The following SIGLEC1 variants were observed in gnomAD, a reference collection of about 807,000 sequenced individuals.
The protein encoded by SIGLEC1 is sialic acid binding Ig like lectin 1, also known as sialoadhesin.
In SIGLEC1, 132 loss-of-function variants were observed where a neutral mutation model predicts 148.0. The ratio of observed to expected loss-of-function variants is 0.89; its 90% CI spans 0.77 to 1.03. The LOEUF is 1.03. Ranked by LOEUF, SIGLEC1 falls within the 50% of genes least tolerant of loss-of-function variation. The pLI is 0.00. For missense variants in SIGLEC1, 2,253 were observed against 2,271.4 expected (o/e 0.99, Z 0.16); for synonymous variants, 945 against 969.0 (o/e 0.98, Z 0.46).
At position 3,699,452 on chromosome 20, in the gene SIGLEC1, A is replaced by G; in HGVS notation, c.1536T>C (p.Arg512=). ...CCTCGGCTGCCGGGCTGATGAGGAGACGGGCGGCTGCGGGGAGAGGAAGAG... is the reference window on the plus strand; with the variant it reads ...CCTCGGCTGCCGGGCTGATGAGGAGGCGGGCGGCTGCGGGGAGAGGAAGAG... The part of the protein sequence containing the change: ...STLDFHANAA[R]LLISPAAEVV... Residue 512 remains arginine (R), a synonymous_variant, in exon 8 of 22, where the codon CGT becomes CGC. Coordinates refer to ENST00000344754, the MANE Select transcript of SIGLEC1 (RefSeq NM_023068.4). 6.2e-7 allele frequency: 1 copy of G among 1,608,872 alleles called. No individual in the cohort carries two copies.
In SIGLEC1 at chr20:3,691,984, G is replaced by A. The variant is rs765499419; in HGVS notation, c.4249C>T (p.Pro1417Ser). ...CAAACATAGGTGTCATCACCTGCAG[G>A]CACATCTTGCACCTGCAGCCGTAGG... ...NALRLQVQDV[P>S]AGDDTYVCTA... is the part of the protein sequence containing the mutation. Residue 1417 changes from proline (P) to serine (S), a missense_variant, in exon 17 of 22, where the codon CCT (proline) becomes TCT (serine). Pro to Ser is a moderately conservative substitution (Grantham distance 74). Transcript: ENST00000344754. The A allele has an allele frequency of 5.0e-6, 8 of 1,612,934 alleles. No homozygotes were observed. The highest frequency in any genetic ancestry group is 5.1e-6 in the Non-Finnish European group (6 of 1,179,434).
chr20:3,707,541 G>A lies in SIGLEC1; in HGVS notation c.-109-304C>T, dbSNP rs116069789. On this transcript the variant is annotated intron_variant, in intron 1 of 21. Coordinates refer to ENST00000344754, the MANE Select transcript of SIGLEC1 (RefSeq NM_023068.4). Reference sequence around the variant, plus strand: ...CCCACCACCCAAACCAACAGGAACTGGAGCCCAGAGATGCCCAGTTACTCA... The same window carrying A: ...CCCACCACCCAAACCAACAGGAACTAGAGCCCAGAGATGCCCAGTTACTCA... Among the ~76,000 whole-genome samples the A allele has an allele frequency of 6.1e-3, 921 of 151,992 alleles. 9 individuals are homozygous for A. The highest frequency in any genetic ancestry group is 0.019 in the African/African-American group (804 of 41,498).
At chr20:3,704,504 C>T (rs1230285133) in intron 4 of SIGLEC1, among the ~76,000 whole-genome samples, 1 of 152,242 alleles carries the variant, frequency 6.6e-6, no homozygotes, top group Non-Finnish European at 1.5e-5. Context: ...CCAAAGGCAG[C>T]ATCAAACTAG....
intron 21 of SIGLEC1, 125 bp from the exon 22 acceptor site, chr20:3,688,744 G>C: frequency 1.4e-6 from 1 of 707,756 alleles, no homozygotes; most frequent in Non-Finnish European, 2.4e-6. Flanking sequence ...AGTGTGACTT[G>C]GAGCCCTGGC....
Position 3,701,392 on chromosome 20 carries a change from G to A in SIGLEC1, c.1478C>T (p.Ala493Val). Reference sequence around the variant, plus strand: ...GGTTGCATTTCCAAGGGAGTTGGTGGCTGAGCACTTGTACTCCCCACTGTC... The same window carrying A: ...GGTTGCATTTCCAAGGGAGTTGGTGACTGAGCACTTGTACTCCCCACTGTC... ...ETDSGEYKCS[A>V]TNSLGNATST... The change falls in exon 7 of 22, where the codon GCC (alanine) becomes GTC (valine). Residue 493 changes from alanine to valine, a missense_variant. Ala to Val is a moderately conservative substitution (Grantham distance 64). Coordinates refer to ENST00000344754, the MANE Select transcript of SIGLEC1 (RefSeq NM_023068.4). The A allele has an allele frequency of 6.2e-7, 1 of 1,613,984 alleles. No homozygotes were observed. Among genetic ancestry groups the A allele is most frequent in the East Asian group, 2.2e-5 (1 of 44,890 alleles).
Position 3,694,776 on chromosome 20 carries a change from G to T in SIGLEC1, c.2831C>A (p.Thr944Lys). 1 of 1,613,660 alleles carries T rather than the reference G, an allele frequency of 6.2e-7. No individual in the cohort carries two copies. Among genetic ancestry groups the T allele is most frequent in the Non-Finnish European group, 8.5e-7 (1 of 1,180,040 alleles). The change falls in exon 12 of 22, where the codon ACG becomes AAG. Residue 944 changes from threonine (T) to lysine (K), a missense_variant. Coordinates refer to ENST00000344754, the MANE Select transcript of SIGLEC1 (RefSeq NM_023068.4). ...GQPLQESTSA[T>K]LRFAAITLTQ... ...CAAAGTTATGGCTGCAAAGCGGAGC[G>T]TGGCCGAGGTCGACTCCTGGAGGGG...
At position 3,705,939 on chromosome 20, in the gene SIGLEC1, C is replaced by A; in HGVS notation, c.511G>T (p.Val171Phe). 6.2e-7 allele frequency: 1 copy of A among 1,614,114 alleles called. No homozygotes were observed. Among genetic ancestry groups the A allele is most frequent in the Non-Finnish European group, 8.5e-7 (1 of 1,180,026 alleles). Residue 171 changes from valine (V) to phenylalanine (F), a missense_variant, in exon 4 of 22, where the codon GTC (valine) becomes TTC (phenylalanine). Coordinates refer to ENST00000344754, the MANE Select transcript of SIGLEC1 (RefSeq NM_023068.4). ...STPYVCLQEQ[V>F]RLQWQGQDPA... ...TCCTGGCCTTGCCACTGCAGTCTGA[C>A]CTGCTCCTGCAGGCATACGTAGGGA...
rs1461143452 is a variant in SIGLEC1, at chr20:3,699,437, C to T, written c.1551G>A (p.Pro517=). The part of the protein sequence containing the change: ...HANAARLLIS[P]AAEVVEGQAV... The stretch of plus-strand genomic sequence containing the variant: ...CCTGTCCTTCCACCACCTCGGCTGC[C>T]GGGCTGATGAGGAGACGGGCGGCTG... Residue 517 remains proline (P), a synonymous_variant, in exon 8 of 22, where the codon CCG becomes CCA. Transcript: ENST00000344754. 16 of 1,609,690 alleles carry T rather than the reference C, an allele frequency of 9.9e-6. No homozygotes were observed. The highest frequency in any genetic ancestry group is 2.2e-5 in the South Asian group (2 of 89,870).
rs564843501 is a variant in SIGLEC1 at position 3,697,141 on chromosome 20, C to T, written c.2324G>A (p.Arg775His). ...ARTDAALYAC[R>H]ILTEAGAQLS... ...CTGGGCACCAGCCTCAGTCAGGATGCGGCAGGCGTAAAGGGCAGCATCAGT... is the reference window on the plus strand; with the variant it reads ...CTGGGCACCAGCCTCAGTCAGGATGTGGCAGGCGTAAAGGGCAGCATCAGT... Residue 775 changes from arginine (R) to histidine (H), a missense_variant, in exon 10 of 22, where the codon CGC (arginine) becomes CAC (histidine). By Grantham distance (29) the Arg-to-His change is conservative (BLOSUM62 0). Coordinates refer to ENST00000344754, the MANE Select transcript of SIGLEC1 (RefSeq NM_023068.4). 1.2e-5 allele frequency: 20 copies of T among 1,613,558 alleles called. No homozygotes were observed. The highest frequency in any genetic ancestry group is 5.0e-5 in the Admixed American group (3 of 60,016).
chr20:3,694,352 T>C lies in SIGLEC1; in HGVS notation c.3125A>G (p.His1042Arg), dbSNP rs775284764. Reference sequence around the variant, plus strand: ...CAGTGTGTTGGGGGCCACAGCCACATGCAGCCTGGGAGAGCTGCCTTCGGG... The same window carrying C: ...CAGTGTGTTGGGGGCCACAGCCACACGCAGCCTGGGAGAGCTGCCTTCGGG... ...GGPEGSSPRL[H>R]VAVAPNTLRL... Residue 1042 changes from histidine (H) to arginine (R), a missense_variant, in exon 13 of 22, where the codon CAT becomes CGT. Physicochemically the swap from His to Arg is conservative, Grantham distance 29. Coordinates refer to ENST00000344754, the MANE Select transcript of SIGLEC1 (RefSeq NM_023068.4). 1.2e-6 allele frequency: 2 copies of C among 1,613,256 alleles called. No homozygotes were observed. Among genetic ancestry groups the C allele is most frequent in the East Asian group, 2.2e-5 (1 of 44,880 alleles).
In SIGLEC1 at chr20:3,691,326, G is replaced by A; in HGVS notation, c.4591+14C>T. On this transcript the variant is annotated intron_variant, in intron 18 of 21. Transcript: ENST00000344754. Reference sequence around the variant, plus strand: ...TGTGGGGAGACTAAGGCGGAGGAGGGGGTTCACACTCACAGAGCACACGGA... The same window carrying A: ...TGTGGGGAGACTAAGGCGGAGGAGGAGGTTCACACTCACAGAGCACACGGA... The A allele has an allele frequency of 1.2e-6, 2 of 1,612,536 alleles. No homozygotes were observed. Among genetic ancestry groups the A allele is most frequent in the Non-Finnish European group, 8.5e-7 (1 of 1,179,248 alleles).
Position 3,691,427 on chromosome 20 carries a change from C to A in SIGLEC1, c.4504G>T (p.Ala1502Ser). 1 of 1,613,320 alleles carries A rather than the reference C, an allele frequency of 6.2e-7. No homozygotes were observed. Among genetic ancestry groups the A allele is most frequent in the Non-Finnish European group, 8.5e-7 (1 of 1,180,018 alleles). Residue 1502 changes from alanine to serine, a missense_variant, in exon 18 of 22, where the codon GCT becomes TCT. Physicochemically the swap from Ala to Ser is moderately conservative, Grantham distance 99. Coordinates refer to ENST00000344754, the MANE Select transcript of SIGLEC1 (RefSeq NM_023068.4). ...PVPTLAFTHV[A>S]RAQAGMYHCL... Reference sequence around the variant, plus strand: ...TGGTACATCCCAGCTTGAGCACGAGCCACGTGGGTGAAGGCGAGAGTGGGC... The same window carrying A: ...TGGTACATCCCAGCTTGAGCACGAGACACGTGGGTGAAGGCGAGAGTGGGC...
chr20:3,691,849 G>A, intron 17 of SIGLEC1, 54 bp downstream of exon 17: 1 of 1,521,134 alleles, frequency 6.6e-7, no homozygotes, highest in Non-Finnish European at 8.9e-7. Context: ...CCCCTCTCGT[G>A]GACTTGGACC....
At chr20:3,691,686 C>A in intron 17 of SIGLEC1, 86 bp from the exon 18 acceptor site, 2 of 1,514,484 alleles carry the variant, frequency 1.3e-6, no homozygotes, top group Non-Finnish European at 1.8e-6. Flanking sequence ...GGGGCCTCTG[C>A]ACATTGTGGG....
intron 1 of SIGLEC1, among the ~76,000 whole-genome samples, chr20:3,711,911 G>T (rs1454045296): frequency 6.6e-6 from 1 of 152,168 alleles, no homozygotes; most frequent in African/African-American, 2.4e-5. Context: ...CGTTGGGCTG[G>T]GCTGGGGCTG....
Position 3,687,718 on chromosome 20 carries a change from C to T in SIGLEC1, c.*842G>A, listed in dbSNP as rs1279081594. The T allele has an allele frequency of 6.6e-6, 1 of 152,214 alleles. No individual in the cohort carries two copies. The highest frequency in any genetic ancestry group is 1.5e-5 in the Non-Finnish European group (1 of 68,050). 9.4% of individuals were successfully genotyped at this position (152,214 alleles called of 1,614,324 possible). On this transcript the variant is annotated 3_prime_UTR_variant, in exon 22 of 22. Coordinates refer to ENST00000344754, the MANE Select transcript of SIGLEC1 (RefSeq NM_023068.4). The stretch of plus-strand genomic sequence containing the variant: ...CAAAACATGGCCTGCTGGTGGCATT[C>T]CCAACAATGTCAAAAGTCTCAGGGA...
chr20:3,701,494 C>G lies in SIGLEC1; in HGVS notation c.1376G>C (p.Ser459Thr). Residue 459 changes from serine to threonine, a missense_variant, in exon 7 of 22, where the codon AGT (serine) becomes ACT (threonine). Transcript: ENST00000344754. ...GHILASTSGD[S>T]DHSPRFSGTS... ...ACCACTGAAGCGTGGGCTGTGATCA[C>G]TGTCCCCGGAGGTGGAGGCCAGGAT... 2 of 1,614,108 alleles carry G rather than the reference C, an allele frequency of 1.2e-6. No homozygotes were observed. The highest frequency in any genetic ancestry group is 1.7e-6 in the Non-Finnish European group (2 of 1,180,038).
At chr20:3,695,671 A>T (rs184402483) in intron 11 of SIGLEC1, among the ~76,000 whole-genome samples, 1 of 152,318 alleles carries the variant, frequency 6.6e-6, no homozygotes, top group Admixed American at 6.5e-5. Context: ...TATGCTAAGT[A>T]AGAAAAGATA....
chr20:3,693,793 G>A, intron 13 of SIGLEC1, 95 bp from the exon 14 acceptor site: 3 of 1,381,730 alleles, frequency 2.2e-6, no homozygotes, highest in South Asian at 1.6e-5. Flanking sequence ...TCCTACTGCT[G>A]GGGAGCCCCT....
Sources: allele counts gnomAD v4.1 joint callset (sites outside exome capture counted in the v4.1 genomes callset), GRCh38; gene constraint gnomAD v4.1.1; transcripts MANE v1.5; gene names NCBI Gene and HGNC (gene_info 2026-07-23, HGNC 2026-07-21).